CHD1L: variants seen among roughly 807,000 people sequenced by gnomAD.
CHD1L encodes the protein chromodomain helicase DNA binding protein 1 like.
A neutral mutation model predicts 115.9 loss-of-function variants in CHD1L; 118 were observed. The observed-to-expected ratio is 1.02, with a 90% CI of 0.88 to 1.19. The LOEUF (loss-of-function observed/expected upper bound fraction) is 1.19. Ranked by LOEUF, CHD1L falls within the 50% of genes most tolerant of loss-of-function variation. The pLI is 0.00. For missense variants in CHD1L, 1,179 were observed against 1,065.3 expected (o/e 1.11, Z -1.49); for synonymous variants, 411 against 387.1 (o/e 1.06, Z -0.72).
At chr1:147,218,893 G>T in the CHD1L span, among the ~76,000 whole-genome samples, 6,695 of 152,206 alleles carry the variant, frequency 0.044, 173 homozygotes, top group African/African-American at 0.071. Flanking sequence ...AATTTCTCCA[G>T]AGAATTAGAT....
the CHD1L span, chr1:147,178,497 G>C: frequency 6.2e-7 from 1 of 1,611,644 alleles, no homozygotes. Flanking sequence ...TCAGCCACCT[G>C]AAGAAGCAGG....
the CHD1L span, among the ~76,000 whole-genome samples, chr1:147,228,246 G>C: frequency 4.9e-3 from 724 of 147,852 alleles, no homozygotes; most frequent in Non-Finnish European, 7.2e-3. Flanking sequence ...ACCTATGACT[G>C]AGAACATGCG....
chr1:147,286,698 A>T lies in CHD1L; in HGVS notation c.2221+198A>T, dbSNP rs9662427. On this transcript the variant is annotated intron_variant, in intron 18 of 22. Coordinates refer to ENST00000369258, the MANE Select transcript of CHD1L (RefSeq NM_004284.6). ...CTCATTTACCTGGTTTAGTTACCCA[A>T]CCTTTCAACTTCAACTTCCTTATCC... 0.024 allele frequency among the ~76,000 whole-genome samples: 3,685 copies of T among 152,234 alleles called. 78 individuals carry two copies. Among genetic ancestry groups the T allele is most frequent in the Non-Finnish European group, 0.035 (2,407 of 68,008 alleles).
intron 14 of CHD1L, among the ~76,000 whole-genome samples, chr1:147,277,149 T>A (rs1242166492): frequency 6.6e-6 from 1 of 152,098 alleles, no homozygotes; most frequent in Non-Finnish European, 1.5e-5. Flanking sequence ...TTTAGGAAGA[T>A]AAAGAGAATT....
At chr1:147,218,039 A>C in the CHD1L span, among the ~76,000 whole-genome samples, 1 of 152,254 alleles carries the variant, frequency 6.6e-6, no homozygotes, top group East Asian at 1.9e-4. Flanking sequence ...AACTAATAAA[A>C]TACATCAACA....
the CHD1L span, among the ~76,000 whole-genome samples, chr1:147,229,525 GT>G: frequency 4.6e-5 from 7 of 152,172 alleles, no homozygotes; most frequent in South Asian, 1.5e-3. Context: ...CTTTAAAGTA[GT>G]TTTTTCCAGT....
the CHD1L span, chr1:147,212,671 G>T: frequency 1.2e-6 from 1 of 800,122 alleles, no homozygotes; most frequent in African/African-American, 1.7e-5. Flanking sequence ...CTACTTTCTT[G>T]CCTTTCTCAG....
the CHD1L span, among the ~76,000 whole-genome samples, chr1:147,212,178 T>C: frequency 2.6e-4 from 39 of 152,344 alleles, no homozygotes; most frequent in Admixed American, 5.9e-4. Flanking sequence ...GTGAGGCTAG[T>C]TGCACAATGG....
rs782440177 is a variant in CHD1L at position 147,286,400 on chromosome 1, G to T, written c.2121G>T (p.Leu707=). ...ATGGGGAAGAGAGCTCTGCTGAGCT[G>T]GATTACCAAGACCCAGATGCTACTT... ...LENGEESSAE[L]DYQDPDATSL... is the part of the protein sequence containing the mutation. Residue 707 remains leucine (L), a synonymous_variant, in exon 18 of 23, where the codon CTG becomes CTT. Coordinates refer to ENST00000369258, the MANE Select transcript of CHD1L (RefSeq NM_004284.6). The T allele has an allele frequency of 6.2e-7, 1 of 1,614,130 alleles. No homozygotes were observed. The highest frequency in any genetic ancestry group is 8.5e-7 in the Non-Finnish European group (1 of 1,180,032).
chr1:147,262,259 A>G (rs1174193358), intron 6 of CHD1L, among the ~76,000 whole-genome samples: 2 of 152,158 alleles, frequency 1.3e-5, no homozygotes, highest in East Asian at 3.8e-4. Flanking sequence ...TGGTTGTACA[A>G]TTTATGCGAC....
chr1:147,218,302 C>T, the CHD1L span, among the ~76,000 whole-genome samples: 1 of 151,326 alleles, frequency 6.6e-6, no homozygotes, highest in Non-Finnish European at 1.5e-5. Flanking sequence ...GTAGCACGAT[C>T]TCAGCTCCCT....
At chr1:147,219,124 A>G in the CHD1L span, among the ~76,000 whole-genome samples, 1 of 152,176 alleles carries the variant, frequency 6.6e-6, no homozygotes, top group Non-Finnish European at 1.5e-5. Context: ...TTGAATTTGG[A>G]GACACCAAAA....
the CHD1L span, among the ~76,000 whole-genome samples, chr1:147,213,014 T>C: frequency 2.0e-5 from 3 of 152,128 alleles, no homozygotes; most frequent in African/African-American, 4.8e-5. Flanking sequence ...AATTCCTTAT[T>C]CTACCTAATG....
At chr1:147,238,384 C>A (rs1265441240), upstream of CHD1L, among the ~76,000 whole-genome samples, 2 of 152,220 alleles carry the variant, frequency 1.3e-5, no homozygotes, top group Admixed American at 6.5e-5. Flanking sequence ...CAACAAACAG[C>A]AAACATAATT....
intron 1 of CHD1L, among the ~76,000 whole-genome samples, chr1:147,247,780 T>A (rs1553934496): frequency 6.6e-6 from 1 of 152,132 alleles, no homozygotes; most frequent in Non-Finnish European, 1.5e-5. Context: ...AGAATATATT[T>A]CCCAGCATCC....
At chr1:147,182,163 G>A in the CHD1L span, among the ~76,000 whole-genome samples, 1 of 152,112 alleles carries the variant, frequency 6.6e-6, no homozygotes, top group Admixed American at 6.5e-5. Flanking sequence ...CTGAGGTATT[G>A]CCTCTCTGTA....
Position 147,294,374 on chromosome 1 carries a change from A to G in CHD1L, c.2507-35A>G, listed in dbSNP as rs374773185. The G allele has an allele frequency of 5.4e-6, 8 of 1,488,998 alleles. No individual in the cohort carries two copies. The African/African-American group carries it at 7.0e-5, about 13-fold the overall frequency. The allele number at this position is 1,488,998 out of a possible 1,614,324, so 92.2% of individuals were successfully genotyped here. On this transcript the variant is annotated intron_variant, in intron 21 of 22. Coordinates refer to ENST00000369258, the MANE Select transcript of CHD1L (RefSeq NM_004284.6). ...TTTTATACCCATCAATCAATTTTTG[A>G]TGAGTGAAGACATGTGTTCTTCTCT...
At chr1:147,190,199 C>A in the CHD1L span, 9 of 1,611,110 alleles carry the variant, frequency 5.6e-6, no homozygotes, top group East Asian at 2.0e-4. Flanking sequence ...TCCTCTTGAG[C>A]TTTAGATATT....
intron 3 of CHD1L, among the ~76,000 whole-genome samples, chr1:147,255,596 A>C (rs1487048195): frequency 6.6e-6 from 1 of 152,010 alleles, no homozygotes; most frequent in Non-Finnish European, 1.5e-5. Context: ...TCAGCACAAG[A>C]CCTTTTTAGA....
Sources: allele counts gnomAD v4.1 joint callset (sites outside exome capture counted in the v4.1 genomes callset), GRCh38; gene constraint gnomAD v4.1.1; transcripts MANE v1.5; gene names NCBI Gene and HGNC (gene_info 2026-07-23, HGNC 2026-07-21).